The following STK38L variants were observed in gnomAD, a reference collection of about 807,000 sequenced individuals.
The protein encoded by STK38L is serine/threonine kinase 38 like.
In STK38L, 28 loss-of-function variants were observed where a neutral mutation model predicts 59.7. The observed-to-expected ratio is 0.47, with a 90% CI of 0.35 to 0.64. STK38L has a LOEUF of 0.64. Ranked by LOEUF, STK38L falls within the 30% of genes least tolerant of loss-of-function variation. The probability of loss-of-function intolerance (pLI) is 0.01; values close to 1 mark genes in which losing one functional copy is unlikely to be tolerated. For missense variants in STK38L, 314 were observed against 555.8 expected, an observed-to-expected ratio of 0.56 and a Z score of 4.37; for synonymous variants, 162 against 176.8, an observed-to-expected ratio of 0.92 and a Z score of 0.66.
chr12:27,248,839 A>G (rs982933344), intron 1 of STK38L, among the ~76,000 whole-genome samples: 2 of 152,262 alleles, frequency 1.3e-5, no homozygotes, highest in Admixed American at 6.5e-5. Flanking sequence ...CAGAGATGGC[A>G]AAACAAATTT....
chr12:27,274,929 T>C (rs533332594), intron 1 of STK38L, among the ~76,000 whole-genome samples: 4 of 152,318 alleles, frequency 2.6e-5, no homozygotes, highest in East Asian at 3.9e-4. Flanking sequence ...ATTTTAGTTA[T>C]CTAATAATTA....
chr12:27,253,578 A>G (rs1032502433), intron 1 of STK38L, among the ~76,000 whole-genome samples: 4 of 152,224 alleles, frequency 2.6e-5, no homozygotes, highest in African/African-American at 9.6e-5. Flanking sequence ...AGCTACATTC[A>G]CAGGGGTAGA....
Position 27,325,943 on chromosome 12 carries a change from A to G in STK38L, c.*3488A>G, listed in dbSNP as rs1944826244. The G allele has an allele frequency of 6.6e-6, 1 of 152,164 alleles. No homozygotes were observed. Among genetic ancestry groups the G allele is most frequent in the Non-Finnish European group, 1.5e-5 (1 of 67,996 alleles). The allele number at this position is 152,164 out of a possible 1,614,324, so 9.4% of individuals were successfully genotyped here. A position where few individuals can be genotyped will look rare whatever the true frequency, so the allele number is the denominator to read the frequency against. Reference sequence around the variant, plus strand: ...TTCATTGAAGGTAAGATAAGAATAAAAACTATGTTTACAAAATTTCTGTTG... The same window carrying G: ...TTCATTGAAGGTAAGATAAGAATAAGAACTATGTTTACAAAATTTCTGTTG... On this transcript the variant is annotated 3_prime_UTR_variant, in exon 14 of 14. Transcript: ENST00000389032.
intron 1 of STK38L, among the ~76,000 whole-genome samples, chr12:27,282,557 C>T (rs964300132): frequency 1.5e-4 from 23 of 151,734 alleles, no homozygotes; most frequent in African/African-American, 5.6e-4. Context: ...ATCAAACTGA[C>T]AAAAATTAAA....
At chr12:27,302,716 G>A (rs1944204678) in intron 3 of STK38L, among the ~76,000 whole-genome samples, 1 of 151,964 alleles carries the variant, frequency 6.6e-6, no homozygotes, top group African/African-American at 2.4e-5. Flanking sequence ...ATATGGGCAA[G>A]CTCTTTAACA....
At chr12:27,256,254 A>C (rs1324511571) in intron 1 of STK38L, among the ~76,000 whole-genome samples, 1 of 152,106 alleles carries the variant, frequency 6.6e-6, no homozygotes, top group Non-Finnish European at 1.5e-5. Context: ...TGTAACTTTC[A>C]TCCTTAAAAT....
intron 1 of STK38L, among the ~76,000 whole-genome samples, chr12:27,285,961 G>C (rs915463465): frequency 2.0e-5 from 3 of 152,164 alleles, no homozygotes; most frequent in Non-Finnish European, 4.4e-5. Context: ...TATTTGAGAA[G>C]AGAGTGATAG....
chr12:27,313,978 T>G (rs896987866), intron 6 of STK38L, among the ~76,000 whole-genome samples: 3 of 152,184 alleles, frequency 2.0e-5, no homozygotes, highest in African/African-American at 7.2e-5. Flanking sequence ...ATCAGCTCTT[T>G]TGTGATTTGA....
intron 1 of STK38L, among the ~76,000 whole-genome samples, chr12:27,275,987 C>T (rs13377838): frequency 0.048 from 7,254 of 152,200 alleles, 562 homozygotes; most frequent in African/African-American, 0.16. Context: ...TGGCCTGGCT[C>T]CCTGATCCCC....
intron 1 of STK38L, among the ~76,000 whole-genome samples, chr12:27,252,321 G>A (rs1353624668): frequency 6.6e-6 from 1 of 152,194 alleles, no homozygotes; most frequent in Non-Finnish European, 1.5e-5. Context: ...ATCCTTAAAA[G>A]AATGGATAAG....
intron 1 of STK38L, among the ~76,000 whole-genome samples, chr12:27,262,869 G>C (rs573476512): frequency 6.7e-6 from 1 of 149,866 alleles, no homozygotes; most frequent in Admixed American, 6.7e-5. Context: ...TGGGATCCCA[G>C]CTCACTGCAA....
At chr12:27,278,706 G>T (rs536523665) in intron 1 of STK38L, among the ~76,000 whole-genome samples, 2 of 152,284 alleles carry the variant, frequency 1.3e-5, no homozygotes, top group Non-Finnish European at 2.9e-5. Flanking sequence ...CAATAACAAT[G>T]TAAGCTTGGA....
intron 2 of STK38L, chr12:27,300,464 A>G: frequency 2.2e-6 from 1 of 449,314 alleles, no homozygotes; most frequent in South Asian, 1.6e-5. Flanking sequence ...GGAAAGGGAC[A>G]GTGGAAATTT....
chr12:27,266,843 C>T (rs1436783295), intron 1 of STK38L, among the ~76,000 whole-genome samples: 3 of 152,284 alleles, frequency 2.0e-5, no homozygotes, highest in Middle Eastern at 3.4e-3. Context: ...AAAAAGATTC[C>T]GGAGTCAAGA....
At chr12:27,292,766 T>C (rs1943924482) in intron 1 of STK38L, among the ~76,000 whole-genome samples, 1 of 152,232 alleles carries the variant, frequency 6.6e-6, no homozygotes, top group South Asian at 2.1e-4. Flanking sequence ...CTAAATTATA[T>C]AGAGTCTAAA....
At chr12:27,306,614 T>G (rs4963689) in intron 3 of STK38L, among the ~76,000 whole-genome samples, 60,393 of 151,766 alleles carry the variant, frequency 0.4, 12,274 homozygotes, top group Admixed American at 0.48. Flanking sequence ...GTTTTCTTAA[T>G]TATATCAATG....
chr12:27,297,906 G>A, intron 2 of STK38L, 52 bp downstream of exon 2: 1 of 1,597,774 alleles, frequency 6.3e-7, no homozygotes, highest in South Asian at 1.1e-5. Context: ...CTGTTGTGCT[G>A]TGAGTGGAAT....
chr12:27,251,575 A>G (rs1465345716), intron 1 of STK38L, among the ~76,000 whole-genome samples: 2 of 152,234 alleles, frequency 1.3e-5, no homozygotes, highest in Admixed American at 6.5e-5. Context: ...AGCTGCTACA[A>G]GCAAATCGTT....
chr12:27,298,007 G>A, intron 2 of STK38L, 153 bp downstream of exon 2: 1 of 922,688 alleles, frequency 1.1e-6, no homozygotes, highest in Non-Finnish European at 1.6e-6. Context: ...ATAGACATGT[G>A]TTTTATTTTC....
Sources: gnomAD v4.1 joint callset for allele counts (sites outside exome capture counted in the v4.1 genomes callset) on GRCh38, gnomAD v4.1.1 for gene constraint, MANE v1.5 for transcripts, NCBI Gene and HGNC (gene_info 2026-07-23, HGNC 2026-07-21) for gene names.